Variants in ZDHHC15 observed in about 807,000 individuals in gnomAD.
ZDHHC15 encodes palmitoyltransferase ZDHHC15.
In ZDHHC15, 19 loss-of-function variants were observed where a neutral mutation model predicts 31.7. That is an observed-to-expected ratio of 0.60 (90% CI 0.42 to 0.88). The LOEUF (loss-of-function observed/expected upper bound fraction) is 0.88, where lower values mean the gene tolerates loss of function less well. Among genes scored for constraint, ZDHHC15 ranks in the 40% least tolerant of loss-of-function variants. ZDHHC15 has a pLI of 0.00. For missense variants in ZDHHC15, 209 were observed against 251.2 expected, an observed-to-expected ratio of 0.83 and a Z score of 1.14; for synonymous variants, 103 against 90.0, an observed-to-expected ratio of 1.14 and a Z score of -0.82.
intron 5 of ZDHHC15, 32 bp from the exon 6 acceptor site, chrX:75,430,012 T>C: frequency 8.4e-7 from 1 of 1,194,941 alleles, no homozygotes; most frequent in East Asian, 3.0e-5. Flanking sequence ...GTGTGATAAG[T>C]GAGGCTATGG....
intron 3 of ZDHHC15, among the ~76,000 whole-genome samples, chrX:75,460,775 CTTAT>C (rs1157231221): frequency 1.2e-3 from 132 of 111,638 alleles, no homozygotes; most frequent in African/African-American, 4.2e-3. Context: ...CCACAAAAAA[CTTAT>C]TCAAAGGTCA....
intron 10 of ZDHHC15, among the ~76,000 whole-genome samples, chrX:75,394,992 A>G (rs1004861265): frequency 3.6e-5 from 4 of 112,590 alleles, no homozygotes; most frequent in Non-Finnish European, 5.6e-5. Flanking sequence ...AAAATTTAAC[A>G]AGTGAAATAA....
intron 10 of ZDHHC15, among the ~76,000 whole-genome samples, chrX:75,414,321 C>T (rs2083520044): frequency 9.0e-6 from 1 of 110,500 alleles, no homozygotes; most frequent in Non-Finnish European, 1.9e-5. Flanking sequence ...TTATAATTTG[C>T]TGTGCTAATA....
At chrX:75,465,815 C>T (rs951229925) in intron 3 of ZDHHC15, among the ~76,000 whole-genome samples, 3 of 111,651 alleles carry the variant, frequency 2.7e-5, no homozygotes, top group African/African-American at 9.8e-5. Flanking sequence ...GATTAAAAGA[C>T]TTAAGTATAA....
At position 75,414,053 on chromosome X, in the gene ZDHHC15, G is replaced by A. The variant is rs2083516872; in HGVS notation, c.967+3034C>T. Among the ~76,000 whole-genome samples the A allele has an allele frequency of 3.6e-5, 4 of 111,674 alleles. No homozygotes were observed. In the South Asian group the frequency reaches 1.5e-3, roughly 42 times the overall value. On this transcript the variant is annotated intron_variant, in intron 10 of 11. Coordinates refer to ENST00000373367, the MANE Select transcript of ZDHHC15 (RefSeq NM_144969.3). ...TTAATTTTCATTATGTAAGCTACAG[G>A]AAAATTTATAATGAGCAAAAGTGGT...
In ZDHHC15 at chrX:75,371,052, C is replaced by T. The variant is rs2083002182; in HGVS notation, c.*1926G>A. 1.8e-5 allele frequency: 2 copies of T among 111,360 alleles called. No homozygotes were observed. Among genetic ancestry groups the T allele is most frequent in the African/African-American group, 3.3e-5 (1 of 30,598 alleles). The allele number at this position is 111,360 out of a possible 1,213,427, so 9.2% of individuals were successfully genotyped here. A position where few individuals can be genotyped will look rare whatever the true frequency, so the allele number is the denominator to read the frequency against. On this transcript the variant is annotated 3_prime_UTR_variant, in exon 12 of 12. Transcript: ENST00000373367. ...TGAATCACAGTTAACAGCTGCTCTG[C>T]CTGAATGCTTGGCAGAAGATGATTG...
chrX:75,429,236 CTTGA>C (rs2147860222), intron 6 of ZDHHC15, 38 bp from the exon 7 acceptor site: 1 of 1,181,593 alleles, frequency 8.5e-7, no homozygotes. Context: ...ATCAGGACCT[CTTGA>C]TTGAGAGCAC....
chrX:75,521,152 G>C (rs768135254), intron 1 of ZDHHC15, among the ~76,000 whole-genome samples: 15 of 110,873 alleles, frequency 1.4e-4, no homozygotes, highest in Non-Finnish European at 2.1e-4. Flanking sequence ...TGTCCAATGG[G>C]TCAGGAGTCC....
intron 3 of ZDHHC15, among the ~76,000 whole-genome samples, chrX:75,474,882 C>T (rs1330079565): frequency 3.7e-5 from 4 of 108,789 alleles, no homozygotes; most frequent in African/African-American, 1.3e-4. Context: ...ACGGTGAAAC[C>T]CCATCTCTAC....
At chrX:75,442,039 G>A (rs999675554) in intron 4 of ZDHHC15, among the ~76,000 whole-genome samples, 9 of 112,168 alleles carry the variant, frequency 8.0e-5, no homozygotes, top group Non-Finnish European at 1.3e-4. Context: ...TTTTTGTCTG[G>A]TTTTAATTCT....
At chrX:75,469,402 C>G (rs748503862) in intron 3 of ZDHHC15, among the ~76,000 whole-genome samples, 1 of 111,869 alleles carries the variant, frequency 8.9e-6, no homozygotes, top group African/African-American at 3.2e-5. Context: ...ACATTTCCCT[C>G]TCCTCCCAGT....
intron 10 of ZDHHC15, among the ~76,000 whole-genome samples, chrX:75,406,686 T>C (rs1314157534): frequency 5.1e-5 from 5 of 98,856 alleles, no homozygotes; most frequent in Admixed American, 1.1e-4. Context: ...ATGAGATTGA[T>C]GGTGTAAAAA....
intron 1 of ZDHHC15, among the ~76,000 whole-genome samples, chrX:75,522,078 A>G (rs752116522): frequency 9.0e-6 from 1 of 110,948 alleles, no homozygotes; most frequent in Non-Finnish European, 1.9e-5. Flanking sequence ...GAAGGAGTCG[A>G]ATGCTCCTCA....
At chrX:75,473,762 C>T (rs780334597) in intron 3 of ZDHHC15, among the ~76,000 whole-genome samples, 3 of 111,890 alleles carry the variant, frequency 2.7e-5, no homozygotes, top group Non-Finnish European at 5.6e-5. Flanking sequence ...AGTATTTCCT[C>T]CTTCTTTTCT....
At chrX:75,479,464 G>T (rs1314806842) in intron 2 of ZDHHC15, among the ~76,000 whole-genome samples, 1 of 112,024 alleles carries the variant, frequency 8.9e-6, no homozygotes, top group Non-Finnish European at 1.9e-5. Flanking sequence ...CACACAGGTA[G>T]TCTATAATGT....
intron 7 of ZDHHC15, among the ~76,000 whole-genome samples, chrX:75,427,300 T>A (rs1463969644): frequency 9.9e-6 from 1 of 100,536 alleles, no homozygotes; most frequent in Non-Finnish European, 2.1e-5. Flanking sequence ...AGAAAAAAAA[T>A]GAGGGAATAG....
rs1047330876 is a variant in ZDHHC15, at chrX:75,474,893, T to TA, written c.258+3997dup. Among the ~76,000 whole-genome samples the TA allele has an allele frequency of 1.9e-4, 20 of 107,940 alleles. No homozygotes were observed. In the South Asian group the frequency reaches 2.1e-3, roughly 11 times the overall value. The allele number at this position is 107,940 out of a possible 115,157, so 93.7% of individuals were successfully genotyped here. On this transcript the variant is annotated intron_variant, in intron 3 of 11. Transcript: ENST00000373367. ...TAACACGGTGAAACCCCATCTCTACTAAAAAAAATACAAAAAATTAGCCAG... is the reference window on the plus strand; with the variant it reads ...TAACACGGTGAAACCCCATCTCTACTAAAAAAAAATACAAAAAATTAGCCAG...
At chrX:75,419,398 A>T (rs565897848) in intron 9 of ZDHHC15, among the ~76,000 whole-genome samples, 1 of 112,079 alleles carries the variant, frequency 8.9e-6, no homozygotes, top group African/African-American at 3.2e-5. Flanking sequence ...AACCACAATG[A>T]GTACCATCTC....
chrX:75,491,324 T>C (rs1170145725), intron 2 of ZDHHC15, among the ~76,000 whole-genome samples: 8 of 108,950 alleles, frequency 7.3e-5, no homozygotes, highest in Non-Finnish European at 1.3e-4. Context: ...ATGTCCTTTG[T>C]AGGGACATGG....
Sources: allele counts gnomAD v4.1 joint callset (sites outside exome capture counted in the v4.1 genomes callset), GRCh38; gene constraint gnomAD v4.1.1; transcripts MANE v1.5; gene names NCBI Gene and HGNC (gene_info 2026-07-23, HGNC 2026-07-21).